Variants in ZMAT3 observed in about 807,000 individuals in gnomAD.
ZMAT3 encodes zinc finger matrin-type 3, also known as zinc finger matrin-type protein 3.
Under a neutral mutation model 32.3 loss-of-function variants are expected in ZMAT3, and 17 were observed. The observed-to-expected ratio is 0.53, with a 90% confidence interval of 0.36 to 0.79. The LOEUF (loss-of-function observed/expected upper bound fraction) is 0.79. ZMAT3 is among the 30% of genes least tolerant of loss of function. The pLI is 0.00. For missense variants in ZMAT3, 329 were observed against 359.7 expected, an observed-to-expected ratio of 0.91 and a Z score of 0.69; for synonymous variants, 120 against 133.1, an observed-to-expected ratio of 0.90 and a Z score of 0.68.
At chr3:179,061,671 C>A (rs1377604424) in intron 2 of ZMAT3, among the ~76,000 whole-genome samples, 1 of 151,814 alleles carries the variant, frequency 6.6e-6, no homozygotes, top group Admixed American at 6.6e-5. Flanking sequence ...AAAATAGACA[C>A]AATTTTGAGC....
chr3:179,066,517 T>C (rs73050051), intron 2 of ZMAT3, among the ~76,000 whole-genome samples: 5,492 of 152,266 alleles, frequency 0.036, 263 homozygotes, highest in African/African-American at 0.1. Context: ...GAGAAAGTTA[T>C]AGTGCACAAC....
At chr3:179,057,323 G>C (rs1720899234) in intron 2 of ZMAT3, among the ~76,000 whole-genome samples, 1 of 152,144 alleles carries the variant, frequency 6.6e-6, no homozygotes, top group South Asian at 2.1e-4. Flanking sequence ...GAAGCAGAGT[G>C]GTTTACAGTC....
chr3:179,037,976 AAG>A (rs1719697280), intron 2 of ZMAT3, among the ~76,000 whole-genome samples: 1 of 152,204 alleles, frequency 6.6e-6, no homozygotes, highest in Non-Finnish European at 1.5e-5. Context: ...CCAAAGAAAA[AAG>A]AGTTACTGAC....
At chr3:179,033,556 G>GA (rs11305804) in intron 2 of ZMAT3, among the ~76,000 whole-genome samples, 6 of 147,966 alleles carry the variant, frequency 4.1e-5, no homozygotes, top group African/African-American at 5.0e-5. Flanking sequence ...GGGATTTTAG[G>GA]AAAAAAAAAA....
chr3:179,031,812 CAGG>C (rs1385606436), intron 2 of ZMAT3, among the ~76,000 whole-genome samples: 1 of 151,752 alleles, frequency 6.6e-6, no homozygotes. Context: ...GAGGCTGAGG[CAGG>C]AGAACCACTT....
chr3:179,054,235 AG>A (rs1409964065), intron 2 of ZMAT3, among the ~76,000 whole-genome samples: 1 of 152,242 alleles, frequency 6.6e-6, no homozygotes, highest in Non-Finnish European at 1.5e-5. Context: ...CTCAGGTACC[AG>A]GAACTATTCT....
chr3:179,044,633 G>A lies in ZMAT3; in HGVS notation c.271-13634C>T, dbSNP rs11926137. Among the ~76,000 whole-genome samples the A allele has an allele frequency of 9.9e-3, 1,500 of 152,140 alleles. 23 individuals carry two copies. The highest frequency in any genetic ancestry group is 0.035 in the African/African-American group (1,447 of 41,496). ...CACTCCCGCCTGGACGACAGAGCAA[G>A]ACTCTGTCTCAAAAGAAAAAAAGAA... is the stretch of plus-strand genomic sequence containing the variant. On this transcript the variant is annotated intron_variant, in intron 2 of 5. Transcript: ENST00000311417.
chr3:179,031,341 G>A lies in ZMAT3; in HGVS notation c.271-342C>T, dbSNP rs560213917. On this transcript the variant is annotated intron_variant, in intron 2 of 5. Transcript: ENST00000311417. ...CTATGGATAAAAAAAAATGAAAACT[G>A]TAATCACCATGAGAAAGTGTGTCAA... 3.3e-5 allele frequency among the ~76,000 whole-genome samples: 5 copies of A among 150,908 alleles called. No individual in the cohort carries two copies. The South Asian group carries it at 1.0e-3, about 32-fold the overall frequency.
rs1034346512 is a variant in ZMAT3, at chr3:179,024,288, G to T, written c.*729C>A. On this transcript the variant is annotated 3_prime_UTR_variant, in exon 6 of 6. Coordinates refer to ENST00000311417, the MANE Select transcript of ZMAT3 (RefSeq NM_022470.4). ...TTCAATGATGGGGAGACATGATACA[G>T]AAAAAAAAATGTCCTGGGAAAGACC... 1.3e-4 allele frequency: 19 copies of T among 151,226 alleles called. No homozygotes were observed. The highest frequency in any genetic ancestry group is 3.9e-4 in the African/African-American group (16 of 41,188). 9.4% of individuals were successfully genotyped at this position (151,226 alleles called of 1,614,324 possible). A position where few individuals can be genotyped will look rare whatever the true frequency, so the allele number is the denominator to read the frequency against.
At chr3:179,067,892 T>C in intron 1 of ZMAT3, 83 bp from the exon 2 acceptor site, 1 of 1,278,898 alleles carries the variant, frequency 7.8e-7, no homozygotes, top group Non-Finnish European at 1.1e-6. Context: ...GACAACATAA[T>C]CTGACCCTTT....
At chr3:179,058,216 T>G (rs907284063) in intron 2 of ZMAT3, among the ~76,000 whole-genome samples, 11 of 152,192 alleles carry the variant, frequency 7.2e-5, no homozygotes, top group East Asian at 1.9e-4. Context: ...TACTCACTGC[T>G]AAAGAAGACT....
At chr3:179,049,078 G>A (rs1031198824) in intron 2 of ZMAT3, among the ~76,000 whole-genome samples, 1 of 152,070 alleles carries the variant, frequency 6.6e-6, no homozygotes, top group Non-Finnish European at 1.5e-5. Flanking sequence ...AAGACAAAGA[G>A]GGACATAATA....
intron 2 of ZMAT3, among the ~76,000 whole-genome samples, chr3:179,031,910 TA>T (rs202046192): frequency 0.68 from 20,764 of 30,716 alleles, 8,054 homozygotes; most frequent in African/African-American, 0.89. Context: ...CTGTCTCAAA[TA>T]AAAAAAAAAA....
intron 2 of ZMAT3, among the ~76,000 whole-genome samples, chr3:179,062,745 T>A (rs1721214157): frequency 6.6e-6 from 1 of 152,226 alleles, no homozygotes; most frequent in Non-Finnish European, 1.5e-5. Context: ...CATTTGTTGG[T>A]TGAATTATTC....
At position 179,022,024 on chromosome 3, in the gene ZMAT3, G is replaced by C. The variant is rs1473883081; in HGVS notation, c.*2993C>G. ...TTAAGGAGCAAACTGAGTTATTGTAGGCAATACGGTACTAAAGTGTCCTAT... is the reference window on the plus strand; with the variant it reads ...TTAAGGAGCAAACTGAGTTATTGTACGCAATACGGTACTAAAGTGTCCTAT... On this transcript the variant is annotated 3_prime_UTR_variant, in exon 6 of 6. Transcript: ENST00000311417. 2.0e-5 allele frequency: 3 copies of C among 152,120 alleles called. No individual in the cohort carries two copies. The highest frequency in any genetic ancestry group is 7.2e-5 in the African/African-American group (3 of 41,438). The allele number at this position is 152,120 out of a possible 1,614,324, so 9.4% of individuals were successfully genotyped here.
At chr3:179,034,650 G>T (rs1046238034) in intron 2 of ZMAT3, among the ~76,000 whole-genome samples, 2 of 152,102 alleles carry the variant, frequency 1.3e-5, no homozygotes, top group Admixed American at 1.3e-4. Flanking sequence ...ATACTTTCAC[G>T]TCTTAAGAGG....
chr3:179,067,811 T>C lies in ZMAT3; in HGVS notation c.-57-2A>G, dbSNP rs1721501592. On this transcript the variant is annotated splice_acceptor_variant, in intron 1 of 5. Coordinates refer to ENST00000311417, the MANE Select transcript of ZMAT3 (RefSeq NM_022470.4). LOFTEE classifies it low-confidence loss of function (5UTR_SPLICE). ...TGATGAGAAGCAAGGTCTTCAAATC[T>C]GAATCAACAGCAAAAAAACAGAAAA... 2 of 1,567,778 alleles carry C rather than the reference T, an allele frequency of 1.3e-6. No homozygotes were observed. Among genetic ancestry groups the C allele is most frequent in the Admixed American group, 2.0e-5 (1 of 50,190 alleles).
rs1718552142 is a variant in ZMAT3 at position 179,021,732 on chromosome 3, G to A, written c.*3285C>T. On this transcript the variant is annotated 3_prime_UTR_variant, in exon 6 of 6. Coordinates refer to ENST00000311417, the MANE Select transcript of ZMAT3 (RefSeq NM_022470.4). ...TATCACTGACTCAGAAGAAACAACAGTCTGCTTAAACAGAGAAAAAACACT... is the reference window on the plus strand; with the variant it reads ...TATCACTGACTCAGAAGAAACAACAATCTGCTTAAACAGAGAAAAAACACT... 6.6e-6 allele frequency: 1 copy of A among 152,134 alleles called. No homozygotes were observed. The highest frequency in any genetic ancestry group is 1.9e-4 in the East Asian group (1 of 5,196). The allele number at this position is 152,134 out of a possible 1,614,324, so 9.4% of individuals were successfully genotyped here.
intron 3 of ZMAT3, among the ~76,000 whole-genome samples, chr3:179,028,246 T>A (rs1298164874): frequency 2.6e-5 from 4 of 152,066 alleles, no homozygotes; most frequent in Admixed American, 6.5e-5. Flanking sequence ...TATATTTTTT[T>A]AAAAAGAGCC....
Sources: gnomAD v4.1 joint callset for allele counts (sites outside exome capture counted in the v4.1 genomes callset) on GRCh38, gnomAD v4.1.1 for gene constraint, MANE v1.5 for transcripts, NCBI Gene and HGNC (gene_info 2026-07-23, HGNC 2026-07-21) for gene names.